DPP10: variants seen among roughly 807,000 people sequenced by gnomAD.
DPP10 encodes inactive dipeptidyl peptidase 10.
A neutral mutation model predicts 120.9 loss-of-function variants in DPP10; 33 were observed. The ratio of observed to expected loss-of-function variants is 0.27; its 90% CI spans 0.21 to 0.37. DPP10 has a LOEUF of 0.37. DPP10 is among the 10% of genes least tolerant of loss of function. DPP10 has a pLI of 1.00. For synonymous variants in DPP10, 337 were observed against 326.1 expected (o/e 1.03, Z -0.36); for missense variants, 816 against 942.8 (o/e 0.87, Z 1.76).
chr2:115,653,500 A>C (rs1272966770), intron 5 of DPP10, among the ~76,000 whole-genome samples: 1 of 151,958 alleles, frequency 6.6e-6, no homozygotes, highest in Non-Finnish European at 1.5e-5. Context: ...ATTCCTTTGT[A>C]CTTTATTTAA....
chr2:114,554,388 C>T (rs977251383), intron 1 of DPP10, among the ~76,000 whole-genome samples: 1 of 152,206 alleles, frequency 6.6e-6, no homozygotes, highest in African/African-American at 2.4e-5. Context: ...GGCTGTGTCA[C>T]CTTGGGCAGG....
intron 1 of DPP10, among the ~76,000 whole-genome samples, chr2:115,180,652 A>G (rs550075927): frequency 9.2e-5 from 14 of 152,284 alleles, no homozygotes; most frequent in African/African-American, 2.9e-4. Flanking sequence ...GACATACCCA[A>G]TGGTTGAATT....
chr2:114,451,920 A>C (rs1678301590), intron 1 of DPP10, among the ~76,000 whole-genome samples: 1 of 152,176 alleles, frequency 6.6e-6, no homozygotes, highest in East Asian at 1.9e-4. Flanking sequence ...GGTTTTACAG[A>C]AGGTAAATCT....
chr2:115,109,277 C>G (rs931082202), intron 1 of DPP10, among the ~76,000 whole-genome samples: 2 of 152,118 alleles, frequency 1.3e-5, no homozygotes, highest in Non-Finnish European at 2.9e-5. Flanking sequence ...GTGGCTCACG[C>G]GTGTAATCCC....
At chr2:115,797,708 T>C (rs548174368) in intron 19 of DPP10, among the ~76,000 whole-genome samples, 1 of 152,074 alleles carries the variant, frequency 6.6e-6, no homozygotes, top group African/African-American at 2.4e-5. Context: ...GATCATTTGT[T>C]TCTGTTTTTT....
chr2:115,216,023 G>GC (rs2056797117), intron 1 of DPP10, among the ~76,000 whole-genome samples: 2 of 152,118 alleles, frequency 1.3e-5, no homozygotes, highest in Non-Finnish European at 2.9e-5. Flanking sequence ...GGAACTGGAG[G>GC]CCATTATCTT....
chr2:114,618,200 CT>C (rs965183879), intron 1 of DPP10, among the ~76,000 whole-genome samples: 7 of 151,806 alleles, frequency 4.6e-5, no homozygotes, highest in South Asian at 4.1e-4. Context: ...AATTGCACCA[CT>C]TTTTTTTGAA....
chr2:115,029,572 G>GA (rs1282435535), intron 1 of DPP10, among the ~76,000 whole-genome samples: 1 of 150,926 alleles, frequency 6.6e-6, no homozygotes, highest in Non-Finnish European at 1.5e-5. Context: ...ACTCATATTT[G>GA]AAAAATAGCT....
At chr2:115,738,416 A>G (rs1161503795) in intron 8 of DPP10, among the ~76,000 whole-genome samples, 2 of 152,014 alleles carry the variant, frequency 1.3e-5, no homozygotes, top group Non-Finnish European at 2.9e-5. Flanking sequence ...TTACATCATC[A>G]TTGTTGTAGC....
intron 1 of DPP10, among the ~76,000 whole-genome samples, chr2:115,267,821 C>T (rs937663012): frequency 2.0e-5 from 3 of 152,076 alleles, no homozygotes; most frequent in African/African-American, 7.2e-5. Context: ...CCCATATTTG[C>T]CATAGATTGT....
intron 3 of DPP10, among the ~76,000 whole-genome samples, chr2:115,386,082 C>A (rs1411398621): frequency 6.6e-6 from 1 of 152,164 alleles, no homozygotes; most frequent in African/African-American, 2.4e-5. Context: ...AATTTATATA[C>A]CTTATATTAA....
intron 1 of DPP10, among the ~76,000 whole-genome samples, chr2:114,968,618 C>A (rs1699195860): frequency 6.6e-6 from 1 of 152,110 alleles, no homozygotes; most frequent in Non-Finnish European, 1.5e-5. Flanking sequence ...TTATACACAT[C>A]CAGAAATAAT....
intron 1 of DPP10, among the ~76,000 whole-genome samples, chr2:115,087,538 C>CTTTTTTTTTTT (rs56685721): frequency 3.0e-5 from 3 of 99,230 alleles, no homozygotes; most frequent in African/African-American, 4.1e-5. Context: ...CTTTTCTTTT[C>CTTTTTTTTTTT]TTTTTTTTTT....
intron 1 of DPP10, chr2:115,064,595 G>T (rs999857107): frequency 7.4e-6 from 9 of 1,211,884 alleles, no homozygotes; most frequent in African/African-American, 1.6e-5. Flanking sequence ...GTTGGACATA[G>T]GTGGGCACTG....
chr2:115,676,766 A>C (rs905905015), intron 5 of DPP10, among the ~76,000 whole-genome samples: 1 of 152,196 alleles, frequency 6.6e-6, no homozygotes, highest in Non-Finnish European at 1.5e-5. Context: ...AAAAACATAG[A>C]AAACCTGTTT....
chr2:114,723,965 C>G (rs546344618), intron 1 of DPP10, among the ~76,000 whole-genome samples: 128 of 152,096 alleles, frequency 8.4e-4, no homozygotes, highest in Admixed American at 2.0e-3. Flanking sequence ...ATAGGCCCAA[C>G]AAAAGTAATG....
intron 1 of DPP10, among the ~76,000 whole-genome samples, chr2:114,821,195 C>T (rs146654268): frequency 3.3e-5 from 5 of 152,192 alleles, no homozygotes; most frequent in African/African-American, 9.6e-5. Flanking sequence ...TCACATAGCC[C>T]GTGAAAAAGC....
chr2:114,644,941 G>A (rs796419391), intron 1 of DPP10, among the ~76,000 whole-genome samples: 3 of 151,920 alleles, frequency 2.0e-5, no homozygotes, highest in African/African-American at 7.3e-5. Context: ...AATACACAAA[G>A]TTTTCTCCCT....
chr2:115,608,114 G>A (rs1163880148), intron 5 of DPP10, among the ~76,000 whole-genome samples: 1 of 152,116 alleles, frequency 6.6e-6, no homozygotes, highest in Admixed American at 6.6e-5. Context: ...CTGGCTGGGC[G>A]CAATGGCTCC....
Sources: allele counts gnomAD v4.1 joint callset (sites outside exome capture counted in the v4.1 genomes callset), GRCh38; gene constraint gnomAD v4.1.1; transcripts MANE v1.5; gene names NCBI Gene and HGNC (gene_info 2026-07-23, HGNC 2026-07-21).